STIL: variants seen among roughly 807,000 people sequenced by gnomAD.
STIL encodes SCL-interrupting locus protein.
A neutral mutation model predicts 110.1 loss-of-function variants in STIL; 55 were observed. The observed-to-expected ratio is 0.50, with a 90% CI of 0.40 to 0.63. The LOEUF is 0.63. STIL is among the 20% of genes least tolerant of loss of function. The pLI, the probability that STIL is intolerant of heterozygous loss-of-function variation, is 0.00. For missense variants in STIL, 1,358 were observed against 1,530.0 expected (o/e 0.89, Z 1.87); for synonymous variants, 481 against 530.0 (o/e 0.91, Z 1.27).
chr1:47,281,054 C>G lies in STIL; in HGVS notation c.1404G>C (p.Gln468His), dbSNP rs748455762. 8 of 1,614,088 alleles carry G rather than the reference C, an allele frequency of 5.0e-6. No individual in the cohort carries two copies. Among genetic ancestry groups the G allele is most frequent in the Non-Finnish European group, 6.8e-6 (8 of 1,180,014 alleles). ...CTGGACTGTGTTTCTCATCATAAAG[C>G]TGGGGTTGCAATGGCTTCAAGTGTT... ...HLEHLKPLQPQLYDEKHSPEV... is the reference protein window; with the variant it reads ...HLEHLKPLQPHLYDEKHSPEV... The change falls in exon 12 of 17, where the codon CAG (glutamine) becomes CAC (histidine). Residue 468 changes from glutamine to histidine, a missense_variant. Physicochemically the swap from Gln to His is conservative, Grantham distance 24 (BLOSUM62 0). Transcript: ENST00000371877.
chr1:47,287,891 A>G (rs989474893), intron 9 of STIL, among the ~76,000 whole-genome samples: 34 of 152,020 alleles, frequency 2.2e-4, no homozygotes, highest in African/African-American at 8.2e-4. Flanking sequence ...AATACCATCT[A>G]AAGAATAAAA....
intron 12 of STIL, among the ~76,000 whole-genome samples, chr1:47,279,023 C>A (rs577826110): frequency 6.6e-6 from 1 of 151,970 alleles, no homozygotes; most frequent in African/African-American, 2.4e-5. Context: ...TATGGCCGGG[C>A]GCGGAGGCTC....
At chr1:47,265,237 CAAAAAAAAAA>C (rs61666574) in intron 14 of STIL, among the ~76,000 whole-genome samples, 4 of 51,656 alleles carry the variant, frequency 7.7e-5, no homozygotes, top group African/African-American at 2.1e-4. Flanking sequence ...CTCCATCTCC[CAAAAAAAAAA>C]AAAAAAAAAA....
Position 47,299,748 on chromosome 1 carries a change from C to T in STIL, c.701+157G>A, listed in dbSNP as rs372727770. On this transcript the variant is annotated intron_variant, in intron 6 of 16. Transcript: ENST00000371877. ...AACTTAAAGAAAATTTCATATTCAA[C>T]GAAAATAAACCATTTCATTTTTTAC... is the stretch of plus-strand genomic sequence containing the variant. 43 of 867,160 alleles carry T rather than the reference C, an allele frequency of 5.0e-5. No individual in the cohort carries two copies. The South Asian group carries it at 5.0e-4, about 10-fold the overall frequency. 53.7% of individuals were successfully genotyped at this position (867,160 alleles called of 1,614,324 possible). A position where few individuals can be genotyped will look rare whatever the true frequency, so the allele number is the denominator to read the frequency against.
At position 47,272,139 on chromosome 1, in the gene STIL, C is replaced by G; in HGVS notation, c.2320G>C (p.Val774Leu). Residue 774 changes from valine to leucine, a missense_variant, in exon 13 of 17, where the codon GTG becomes CTG. Physicochemically the swap from Val to Leu is conservative, Grantham distance 32. Transcript: ENST00000371877. ...AAGCCAGGGGAAGACTGTGCTTCCA[C>G]AGAAACCAACTCCATTTGTCTTCCA... is the stretch of plus-strand genomic sequence containing the variant. ...QAGRQMELVS[V>L]EAQSSPGLHM... is the part of the protein sequence containing the mutation. The G allele has an allele frequency of 1.2e-6, 2 of 1,614,196 alleles. No individual in the cohort carries two copies. Among genetic ancestry groups the G allele is most frequent in the Non-Finnish European group, 1.7e-6 (2 of 1,180,024 alleles).
Position 47,251,001 on chromosome 1 carries a change from C to G in STIL, c.*135G>C. ...CACCAGCCAGCCATCTCACAGAAGT[C>G]ACTCTTCCCAATTGGCTGCTACCAA... On this transcript the variant is annotated 3_prime_UTR_variant, in exon 17 of 17. Coordinates refer to ENST00000371877, the MANE Select transcript of STIL (RefSeq NM_001048166.1). 2.5e-6 allele frequency: 2 copies of G among 788,838 alleles called. No homozygotes were observed. 48.9% of individuals were successfully genotyped at this position (788,838 alleles called of 1,614,324 possible).
At chr1:47,270,670 CT>C (rs542462270) in intron 13 of STIL, among the ~76,000 whole-genome samples, 5,189 of 93,834 alleles carry the variant, frequency 0.055, 377 homozygotes, top group African/African-American at 0.21. Flanking sequence ...GTTTCCCAAT[CT>C]TTTTTTTTTT....
chr1:47,269,561 T>C (rs1277524585), intron 14 of STIL, 74 bp downstream of exon 14: 2 of 1,070,460 alleles, frequency 1.9e-6, no homozygotes, highest in South Asian at 1.3e-5. Flanking sequence ...CACAAATATA[T>C]ACAATTATTA....
chr1:47,286,444 C>T (rs1006662680), intron 10 of STIL, among the ~76,000 whole-genome samples: 1 of 151,988 alleles, frequency 6.6e-6, no homozygotes, highest in African/African-American at 2.4e-5. Context: ...TGTGGTGGCT[C>T]ACGCCTGTAA....
At chr1:47,267,356 C>T (rs1337389107) in intron 14 of STIL, among the ~76,000 whole-genome samples, 1 of 152,126 alleles carries the variant, frequency 6.6e-6, no homozygotes, top group East Asian at 1.9e-4. Flanking sequence ...TTTGTGGTAG[C>T]ACGTACCAGA....
chr1:47,301,871 CTAAACTAAACTCTTACAG>C (rs1645814392), intron 4 of STIL, 123 bp from the exon 5 acceptor site: 8 of 859,684 alleles, frequency 9.3e-6, no homozygotes, highest in Non-Finnish European at 1.5e-5. Flanking sequence ...CTCTTAAATA[CTAAACTAAACTCTTACAG>C]TAAACTAAAC....
chr1:47,309,744 G>C (rs1000986317), intron 2 of STIL, among the ~76,000 whole-genome samples: 3 of 152,148 alleles, frequency 2.0e-5, no homozygotes, highest in African/African-American at 7.2e-5. Flanking sequence ...ATGGAAGACA[G>C]GTGGCAAGCT....
intron 8 of STIL, among the ~76,000 whole-genome samples, chr1:47,292,227 T>A (rs1645514836): frequency 6.6e-6 from 1 of 151,896 alleles, no homozygotes; most frequent in African/African-American, 2.4e-5. Flanking sequence ...ATAGATATAA[T>A]AGGTGCTCAA....
At chr1:47,275,833 C>T (rs1034064807) in intron 12 of STIL, among the ~76,000 whole-genome samples, 1 of 151,898 alleles carries the variant, frequency 6.6e-6, no homozygotes, top group Non-Finnish European at 1.5e-5. Flanking sequence ...CACTATGTTG[C>T]CCTGGCTGGT....
At chr1:47,311,453 T>G (rs1646123342) in intron 1 of STIL, among the ~76,000 whole-genome samples, 1 of 151,666 alleles carries the variant, frequency 6.6e-6, no homozygotes, top group African/African-American at 2.4e-5. Context: ...CCCGGCTAAT[T>G]TTTTTGGATT....
At chr1:47,268,868 C>T (rs939850419) in intron 14 of STIL, among the ~76,000 whole-genome samples, 1 of 151,866 alleles carries the variant, frequency 6.6e-6, no homozygotes, top group East Asian at 1.9e-4. Flanking sequence ...CCGAGGCAGG[C>T]AGATCACGAG....
chr1:47,260,612 C>T, intron 15 of STIL, 73 bp from the exon 16 acceptor site: 2 of 1,501,058 alleles, frequency 1.3e-6, no homozygotes, highest in Non-Finnish European at 1.8e-6. Flanking sequence ...GTGGTTCACA[C>T]CTATAATCCC....
rs189731072 is a variant in STIL, at chr1:47,250,421, A to G, written c.*715T>C. On this transcript the variant is annotated 3_prime_UTR_variant, in exon 17 of 17. Coordinates refer to ENST00000371877, the MANE Select transcript of STIL (RefSeq NM_001048166.1). ...TTTTTAAAAATAACTTTTCCCTTAA[A>G]CTTAGGAAGGGTTGATTTCGCTAAT... The G allele has an allele frequency of 4.7e-5, 8 of 170,430 alleles. No homozygotes were observed. In the East Asian group the frequency reaches 8.6e-4, roughly 18 times the overall value. The allele number at this position is 170,430 out of a possible 1,614,324, so 10.6% of individuals were successfully genotyped here. A position where few individuals can be genotyped will look rare whatever the true frequency, so the allele number is the denominator to read the frequency against.
chr1:47,282,360 A>T lies in STIL; in HGVS notation c.1233T>A (p.His411Gln), dbSNP rs1645177173. Residue 411 changes from histidine (H) to glutamine (Q), a missense_variant, in exon 11 of 17, where the codon CAT becomes CAA. By Grantham distance (24) the His-to-Gln change is conservative (BLOSUM62 0). Coordinates refer to ENST00000371877, the MANE Select transcript of STIL (RefSeq NM_001048166.1). Reference protein sequence around the residue: ...DFSPRPIPSPHPVSQKISKIQ... With the variant: ...DFSPRPIPSPQPVSQKISKIQ... ...TCAGTGATACCTTCTGACTCACTGG[A>T]TGAGGACTAGGAATTGGTCTTGGAG... 6.2e-7 allele frequency: 1 copy of T among 1,610,852 alleles called. No homozygotes were observed. Among genetic ancestry groups the T allele is most frequent in the African/African-American group, 1.3e-5 (1 of 74,866 alleles).
Sources: allele counts gnomAD v4.1 joint callset (sites outside exome capture counted in the v4.1 genomes callset), GRCh38; gene constraint gnomAD v4.1.1; transcripts MANE v1.5; gene names NCBI Gene and HGNC (gene_info 2026-07-23, HGNC 2026-07-21).